Variants in GREM2 observed in about 807,000 individuals in gnomAD.
GREM2 encodes gremlin 2, DAN family BMP antagonist, also known as gremlin-2.
Under a neutral mutation model 14.2 loss-of-function variants are expected in GREM2, and 11 were observed. The ratio of observed to expected loss-of-function variants is 0.78; its 90% confidence interval spans 0.49 to 1.28. The LOEUF (loss-of-function observed/expected upper bound fraction) is 1.28, where lower values mean the gene tolerates loss of function less well. GREM2 is among the 50% of genes most tolerant of loss of function. The pLI is 0.00. For synonymous variants in GREM2, 98 were observed against 97.6 expected, an observed-to-expected ratio of 1.00 and a Z score of -0.02; for missense variants, 210 against 218.5, an observed-to-expected ratio of 0.96 and a Z score of 0.24.
At chr1:240,581,527 T>C (rs12137874) in intron 1 of GREM2, among the ~76,000 whole-genome samples, 49,337 of 152,050 alleles carry the variant, frequency 0.32, 10,182 homozygotes, top group African/African-American at 0.59. Context: ...GGTTTTATAA[T>C]TTTATAACAA....
At chr1:240,515,087 A>G (rs945710805) in intron 1 of GREM2, among the ~76,000 whole-genome samples, 2 of 152,246 alleles carry the variant, frequency 1.3e-5, no homozygotes, top group African/African-American at 2.4e-5. Flanking sequence ...ACCTATAAGC[A>G]AGACTTTCTG....
At chr1:240,591,043 G>T (rs1206918336) in intron 1 of GREM2, among the ~76,000 whole-genome samples, 1 of 151,830 alleles carries the variant, frequency 6.6e-6, no homozygotes, top group Non-Finnish European at 1.5e-5. Context: ...GCCTCCCGAA[G>T]TGCTGGGATT....
At position 240,543,356 on chromosome 1, in the gene GREM2, C is replaced by T. The variant is rs1418842455; in HGVS notation, c.-1-49880G>A. Among the ~76,000 whole-genome samples the T allele has an allele frequency of 1.3e-5, 2 of 152,080 alleles. No homozygotes were observed. Among genetic ancestry groups the T allele is most frequent in the African/African-American group, 4.8e-5 (2 of 41,390 alleles). On this transcript the variant is annotated intron_variant, in intron 1 of 1. Transcript: ENST00000318160. This position sits in a 1 kb window ranked among gnomAD's most constrained non-coding sequence, Gnocchi z 6.4. Reference sequence around the variant, plus strand: ...TCACAGTTCCACATGGCTGGGGAGGCCTCACAATCAAGGCAGAAGACAAAT... The same window carrying T: ...TCACAGTTCCACATGGCTGGGGAGGTCTCACAATCAAGGCAGAAGACAAAT...
At chr1:240,564,376 C>T (rs1679134461) in intron 1 of GREM2, among the ~76,000 whole-genome samples, 1 of 151,582 alleles carries the variant, frequency 6.6e-6, no homozygotes, top group Admixed American at 6.6e-5. Context: ...GGTGCAGTCA[C>T]ATGCGCCTGT....
rs1223465788 is a variant in GREM2, at chr1:240,491,013, G to C, written c.*1956C>G. 6.6e-6 allele frequency: 1 copy of C among 152,156 alleles called. No homozygotes were observed. Among genetic ancestry groups the C allele is most frequent in the Non-Finnish European group, 1.5e-5 (1 of 68,058 alleles). 9.4% of individuals were successfully genotyped at this position (152,156 alleles called of 1,614,324 possible). A position where few individuals can be genotyped will look rare whatever the true frequency, so the allele number is the denominator to read the frequency against. ...ATTTTCGCTCTATCCTCAGGTTCCA[G>C]CCCTCAAGGATTTCTTTTGATTTCT... On this transcript the variant is annotated 3_prime_UTR_variant, in exon 2 of 2. Transcript: ENST00000318160.
intron 1 of GREM2, among the ~76,000 whole-genome samples, chr1:240,546,904 A>G (rs1678736648): frequency 6.6e-6 from 1 of 152,204 alleles, no homozygotes; most frequent in South Asian, 2.1e-4. Context: ...TTACATGTAT[A>G]AAAATACATA....
At chr1:240,569,648 G>A (rs1247269977) in intron 1 of GREM2, among the ~76,000 whole-genome samples, 1 of 152,034 alleles carries the variant, frequency 6.6e-6, no homozygotes, top group Non-Finnish European at 1.5e-5. Context: ...TCCATAGATG[G>A]GGAAAAAAAT....
At position 240,578,677 on chromosome 1, in the gene GREM2, G is replaced by A. The variant is rs566287443; in HGVS notation, c.-2+33207C>T. Among the ~76,000 whole-genome samples the A allele has an allele frequency of 7.9e-5, 12 of 151,956 alleles. No individual in the cohort carries two copies. In the East Asian group the frequency reaches 9.8e-4, roughly 12 times the overall value. ...GCAGGCACCTGTAATCCCTCTACTC[G>A]GGAGGCTGAAGCAGGAAATTCACTT... On this transcript the variant is annotated intron_variant, in intron 1 of 1. Transcript: ENST00000318160.
intron 1 of GREM2, among the ~76,000 whole-genome samples, chr1:240,520,912 CAAAAA>C (rs200953017): frequency 3.4e-5 from 3 of 89,104 alleles, no homozygotes. Context: ...TCTTCATGGG[CAAAAA>C]AAAAAAAAAA....
intron 1 of GREM2, among the ~76,000 whole-genome samples, chr1:240,566,634 ACTATTCAAG>A (rs1439611375): frequency 1.3e-5 from 2 of 152,202 alleles, no homozygotes; most frequent in Non-Finnish European, 2.9e-5. Context: ...ATGTGAGGAA[ACTATTCAAG>A]GCCAGGAAGA....
At chr1:240,595,825 T>G (rs558619179) in intron 1 of GREM2, among the ~76,000 whole-genome samples, 2 of 152,248 alleles carry the variant, frequency 1.3e-5, no homozygotes, top group South Asian at 4.1e-4. Flanking sequence ...CACCTAATAA[T>G]GTGTCCAGGT....
intron 1 of GREM2, among the ~76,000 whole-genome samples, chr1:240,576,441 A>C (rs1220124683): frequency 1.3e-5 from 2 of 152,012 alleles, no homozygotes; most frequent in Non-Finnish European, 2.9e-5. Context: ...ACCAGTCCAT[A>C]TTTCCTGTTC....
intron 1 of GREM2, among the ~76,000 whole-genome samples, chr1:240,512,655 G>C (rs1004138869): frequency 1.3e-5 from 2 of 152,042 alleles, no homozygotes; most frequent in Non-Finnish European, 2.9e-5. Flanking sequence ...AACGATAAAA[G>C]CAATATGACA....
rs60280005 is a variant in GREM2, at chr1:240,584,233, G to T, written c.-2+27651C>A. Among the ~76,000 whole-genome samples, 453 of 152,236 alleles carry T rather than the reference G, an allele frequency of 3.0e-3. 1 individual carries two copies. Among genetic ancestry groups the T allele is most frequent in the African/African-American group, 0.01 (431 of 41,568 alleles). On this transcript the variant is annotated intron_variant, in intron 1 of 1. Transcript: ENST00000318160. ...AAAATGGCCGGGCGCAGTGGCTCATGCCTGTAATCCCAGCCCTTTGGGAGG... is the reference window on the plus strand; with the variant it reads ...AAAATGGCCGGGCGCAGTGGCTCATTCCTGTAATCCCAGCCCTTTGGGAGG...
At chr1:240,498,739 GA>G (rs1259697803) in intron 1 of GREM2, among the ~76,000 whole-genome samples, 1 of 152,144 alleles carries the variant, frequency 6.6e-6, no homozygotes, top group Non-Finnish European at 1.5e-5. Flanking sequence ...AACCTTTCAG[GA>G]ATGTTGCCAC....
chr1:240,567,135 G>A (rs909739750), intron 1 of GREM2, among the ~76,000 whole-genome samples: 3 of 152,070 alleles, frequency 2.0e-5, no homozygotes, highest in African/African-American at 4.8e-5. Context: ...CATAGCAACA[G>A]AAGCTATTTA....
rs188433122 is a variant in GREM2, at chr1:240,532,835, C to A, written c.-1-39359G>T. On this transcript the variant is annotated intron_variant, in intron 1 of 1. Coordinates refer to ENST00000318160, the MANE Select transcript of GREM2 (RefSeq NM_022469.4). ...TAGGAGTCAAACCCAGTTTATTTCC[C>A]AAAGTCATGCACAGAACCTGGGCAC... is the stretch of plus-strand genomic sequence containing the variant. 2.6e-3 allele frequency among the ~76,000 whole-genome samples: 402 copies of A among 152,298 alleles called. 2 individuals carry two copies. The highest frequency in any genetic ancestry group is 9.1e-3 in the African/African-American group (377 of 41,574).
intron 1 of GREM2, chr1:240,588,983 C>G (rs1297362766): frequency 1.3e-5 from 2 of 152,080 alleles, no homozygotes; most frequent in African/African-American, 4.8e-5. Context: ...ATTAGCTGGG[C>G]TGTATGGCAA....
At chr1:240,514,204 G>A (rs1056315787) in intron 1 of GREM2, among the ~76,000 whole-genome samples, 5 of 135,982 alleles carry the variant, frequency 3.7e-5, no homozygotes, top group South Asian at 2.5e-4. Context: ...CTGAGATTGC[G>A]TCATTATACT....
Sources: gnomAD v4.1 joint callset for allele counts (sites outside exome capture counted in the v4.1 genomes callset) on GRCh38, gnomAD v4.1.1 for gene constraint, Gnocchi (gnomAD v3.1) non-coding constraint, MANE v1.5 for transcripts, NCBI Gene and HGNC (gene_info 2026-07-23, HGNC 2026-07-21) for gene names.